Variants in GABBR2 observed in about 807,000 individuals in gnomAD.
GABBR2 encodes the protein gamma-aminobutyric acid type B receptor subunit 2.
In GABBR2, 23 loss-of-function variants were observed where a neutral mutation model predicts 105.6. That is an observed-to-expected ratio of 0.22 (90% CI 0.16 to 0.31). GABBR2 has a LOEUF of 0.31. Among genes scored for constraint, GABBR2 ranks in the 10% least tolerant of loss-of-function variants. GABBR2 has a pLI of 1.00. For synonymous variants in GABBR2, 478 were observed against 499.7 expected (o/e 0.96, Z 0.58); for missense variants, 734 against 1,245.5 (o/e 0.59, Z 6.18).
chr9:98,486,220 C>T (rs890333326), intron 4 of GABBR2, among the ~76,000 whole-genome samples: 1 of 152,204 alleles, frequency 6.6e-6, no homozygotes, highest in Non-Finnish European at 1.5e-5. Context: ...GTCCCAGAGC[C>T]TGAGTGCTTG....
chr9:98,381,554 A>T (rs1453903986), intron 11 of GABBR2, among the ~76,000 whole-genome samples: 3 of 152,196 alleles, frequency 2.0e-5, no homozygotes, highest in Admixed American at 6.5e-5. Context: ...GGCAATATTG[A>T]GAATTAGTAA....
chr9:98,618,363 A>T (rs1239414469), intron 1 of GABBR2, among the ~76,000 whole-genome samples: 1 of 152,212 alleles, frequency 6.6e-6, no homozygotes, highest in Admixed American at 6.5e-5. Flanking sequence ...GTATTTAATT[A>T]GGCAGATGAA....
At chr9:98,293,050 C>T (rs953283056) in intron 18 of GABBR2, among the ~76,000 whole-genome samples, 1 of 152,220 alleles carries the variant, frequency 6.6e-6, no homozygotes, top group African/African-American at 2.4e-5. Context: ...AATGATGCTG[C>T]AATTGGTGAT....
chr9:98,607,372 C>G lies in GABBR2; in HGVS notation c.322-29300G>C, dbSNP rs151250762. On this transcript the variant is annotated intron_variant, in intron 1 of 18. Transcript: ENST00000259455. Reference sequence around the variant, plus strand: ...ACCATTGAATATTGAGTTTATGAAGCGTTTGCATGAAACAGTATCATCTCA... The same window carrying G: ...ACCATTGAATATTGAGTTTATGAAGGGTTTGCATGAAACAGTATCATCTCA... 1,632 of 695,754 alleles carry G rather than the reference C, an allele frequency of 2.3e-3. 2 individuals are homozygous for G. The highest frequency in any genetic ancestry group is 2.9e-3 in the Non-Finnish European group (1,106 of 378,914). The allele number at this position is 695,754 out of a possible 1,614,324, so 43.1% of individuals were successfully genotyped here.
At chr9:98,418,052 T>G (rs1832719280) in intron 7 of GABBR2, among the ~76,000 whole-genome samples, 1 of 151,952 alleles carries the variant, frequency 6.6e-6, no homozygotes, top group Non-Finnish European at 1.5e-5. Context: ...AGGCAGGGCT[T>G]TGGACCTTAT....
At chr9:98,311,953 C>CAAAA (rs1423118397) in intron 13 of GABBR2, among the ~76,000 whole-genome samples, 8 of 152,188 alleles carry the variant, frequency 5.3e-5, no homozygotes, top group African/African-American at 1.9e-4. Flanking sequence ...GGCAACAAGA[C>CAAAA]AAAAAGACAC....
chr9:98,673,926 C>T (rs1429637021), intron 1 of GABBR2, among the ~76,000 whole-genome samples: 1 of 152,096 alleles, frequency 6.6e-6, no homozygotes, highest in Non-Finnish European at 1.5e-5. Flanking sequence ...TTTTTAAGGG[C>T]AAAGCCTCGT....
At chr9:98,328,058 G>A (rs1489055441) in intron 13 of GABBR2, among the ~76,000 whole-genome samples, 2 of 101,430 alleles carry the variant, frequency 2.0e-5, no homozygotes, top group Non-Finnish European at 4.6e-5. Flanking sequence ...CATATACTTT[G>A]GGTGGATATT....
At chr9:98,554,074 T>C (rs1828539257) in intron 2 of GABBR2, among the ~76,000 whole-genome samples, 1 of 152,186 alleles carries the variant, frequency 6.6e-6, no homozygotes, top group Non-Finnish European at 1.5e-5. Flanking sequence ...AAGCCGCATG[T>C]TAACAAATGG....
At chr9:98,607,394 C>G (rs1243341074) in intron 1 of GABBR2, 17 of 663,902 alleles carry the variant, frequency 2.6e-5, no homozygotes, top group Non-Finnish European at 4.4e-5. Context: ...ACAGTATCAT[C>G]TCACTTATTG....
chr9:98,358,382 T>G (rs1745664615), intron 13 of GABBR2, among the ~76,000 whole-genome samples: 1 of 152,246 alleles, frequency 6.6e-6, no homozygotes, highest in African/African-American at 2.4e-5. Flanking sequence ...ACACACTGCC[T>G]GCTCTCTAAA....
At chr9:98,498,293 G>T (rs1445015531) in intron 3 of GABBR2, among the ~76,000 whole-genome samples, 3 of 152,160 alleles carry the variant, frequency 2.0e-5, no homozygotes, top group Non-Finnish European at 4.4e-5. Context: ...GAAAAAAAAA[G>T]TTCTGCAGAT....
chr9:98,679,634 G>A (rs1334102570), intron 1 of GABBR2, among the ~76,000 whole-genome samples: 2 of 152,200 alleles, frequency 1.3e-5, no homozygotes, highest in African/African-American at 4.8e-5. Context: ...GTACCAGGAA[G>A]GCCATTCTCA....
At chr9:98,552,284 A>G (rs760879606) in intron 2 of GABBR2, among the ~76,000 whole-genome samples, 1 of 152,182 alleles carries the variant, frequency 6.6e-6, no homozygotes, top group Non-Finnish European at 1.5e-5. Flanking sequence ...GGATGAGAAA[A>G]TGATTGAGGC....
At chr9:98,607,111 A>G (rs1829436810) in intron 1 of GABBR2, 1 of 1,607,132 alleles carries the variant, frequency 6.2e-7, no homozygotes. Flanking sequence ...AGTGGGTGGA[A>G]CAATCCAAAG....
chr9:98,671,879 C>T (rs987699437), intron 1 of GABBR2, among the ~76,000 whole-genome samples: 4 of 152,102 alleles, frequency 2.6e-5, no homozygotes, highest in Non-Finnish European at 5.9e-5. Flanking sequence ...GTAGCTTGGA[C>T]TATGATCAAA....
chr9:98,590,713 T>C (rs1424333428), intron 1 of GABBR2, among the ~76,000 whole-genome samples: 1 of 152,248 alleles, frequency 6.6e-6, no homozygotes, highest in East Asian at 1.9e-4. Context: ...CACCAAGCCA[T>C]CGCCACTCCT....
intron 6 of GABBR2, among the ~76,000 whole-genome samples, chr9:98,460,683 T>C (rs1045815797): frequency 6.6e-6 from 1 of 152,102 alleles, no homozygotes; most frequent in African/African-American, 2.4e-5. Flanking sequence ...ATAATATATG[T>C]ATAATTGTGT....
In GABBR2 at chr9:98,558,431, G is replaced by A. The variant is rs1259172468; in HGVS notation, c.460-16388C>T. 2.6e-5 allele frequency among the ~76,000 whole-genome samples: 4 copies of A among 152,186 alleles called. No homozygotes were observed. The East Asian group carries it at 5.8e-4, about 22-fold the overall frequency. ...AGTTATGTCTACAATTAGCATAGAA[G>A]GATAAAATAATACCATGGGTGCCAT... is the stretch of plus-strand genomic sequence containing the variant. On this transcript the variant is annotated intron_variant, in intron 2 of 18. Coordinates refer to ENST00000259455, the MANE Select transcript of GABBR2 (RefSeq NM_005458.8).
Sources: allele counts gnomAD v4.1 joint callset (sites outside exome capture counted in the v4.1 genomes callset), GRCh38; gene constraint gnomAD v4.1.1; transcripts MANE v1.5; gene names NCBI Gene and HGNC (gene_info 2026-07-23, HGNC 2026-07-21).